Variants in CDH9 observed in about 807,000 individuals in gnomAD.
CDH9 encodes the protein cadherin 9.
CDH9 carries 28 observed loss-of-function variants against 70.9 expected under a neutral mutation model. The observed-to-expected ratio is 0.40, with a 90% CI of 0.29 to 0.54. CDH9 has a LOEUF of 0.54. Among genes scored for constraint, CDH9 ranks in the 20% least tolerant of loss-of-function variants. CDH9 has a pLI of 0.59. For synonymous variants in CDH9, 409 were observed against 343.1 expected, an observed-to-expected ratio of 1.19 and a Z score of -2.12; for missense variants, 874 against 984.4, an observed-to-expected ratio of 0.89 and a Z score of 1.50.
intron 1 of CDH9, among the ~76,000 whole-genome samples, chr5:27,015,399 C>G (rs1016469974): frequency 6.6e-6 from 1 of 151,738 alleles, no homozygotes; most frequent in Admixed American, 6.6e-5. Context: ...ACTTTTATTT[C>G]TTGTGCATAC....
At chr5:27,026,473 G>T (rs1743223369) in intron 1 of CDH9, among the ~76,000 whole-genome samples, 1 of 151,708 alleles carries the variant, frequency 6.6e-6, no homozygotes, top group Non-Finnish European at 1.5e-5. Context: ...AGTTCATAAA[G>T]CTCTACTTAC....
intron 1 of CDH9, among the ~76,000 whole-genome samples, chr5:27,012,186 T>C (rs1475331347): frequency 6.6e-6 from 1 of 151,960 alleles, no homozygotes; most frequent in Non-Finnish European, 1.5e-5. Flanking sequence ...CTTAAAATTA[T>C]CTCTAGATTA....
At chr5:26,965,762 A>G (rs945926556) in intron 2 of CDH9, among the ~76,000 whole-genome samples, 2 of 152,064 alleles carry the variant, frequency 1.3e-5, no homozygotes, top group Admixed American at 1.3e-4. Flanking sequence ...AGTAAGAGCC[A>G]GAGTACTAGA....
At chr5:26,970,520 A>C (rs1742201166) in intron 2 of CDH9, among the ~76,000 whole-genome samples, 1 of 152,078 alleles carries the variant, frequency 6.6e-6, no homozygotes, top group South Asian at 2.1e-4. Flanking sequence ...TGTTTCTCCC[A>C]ATATATTGTT....
chr5:26,999,033 C>T (rs1005471433), intron 1 of CDH9, among the ~76,000 whole-genome samples: 4 of 151,900 alleles, frequency 2.6e-5, no homozygotes, highest in African/African-American at 7.2e-5. Context: ...GATCAAGAGG[C>T]CAGGAGATCG....
chr5:26,950,854 T>C (rs1315698610), intron 2 of CDH9, among the ~76,000 whole-genome samples: 4 of 152,170 alleles, frequency 2.6e-5, no homozygotes. Context: ...TTACTCTTTA[T>C]AGAAAACATG....
intron 1 of CDH9, among the ~76,000 whole-genome samples, chr5:27,024,788 C>A (rs1477700132): frequency 1.3e-5 from 2 of 151,880 alleles, no homozygotes; most frequent in Non-Finnish European, 2.9e-5. Context: ...AATTCTTAAC[C>A]ATTACGTTTA....
intron 7 of CDH9, among the ~76,000 whole-genome samples, chr5:26,899,851 C>T (rs1031367961): frequency 6.8e-6 from 1 of 146,004 alleles, no homozygotes; most frequent in African/African-American, 2.5e-5. Flanking sequence ...ACATGTATCA[C>T]AGAACTTAAA....
intron 3 of CDH9, among the ~76,000 whole-genome samples, chr5:26,915,325 T>C (rs1358984605): frequency 6.6e-6 from 1 of 152,048 alleles, no homozygotes; most frequent in African/African-American, 2.4e-5. Flanking sequence ...ATTATTCTTT[T>C]GATTTCTGGC....
At chr5:26,993,637 T>C (rs1742617237) in intron 1 of CDH9, among the ~76,000 whole-genome samples, 1 of 122,282 alleles carries the variant, frequency 8.2e-6, no homozygotes, top group African/African-American at 3.3e-5. Context: ...TGGGAAGGAA[T>C]GAAAGAAGGC....
chr5:26,918,518 CT>C (rs940518247), intron 2 of CDH9, among the ~76,000 whole-genome samples: 24 of 152,162 alleles, frequency 1.6e-4, no homozygotes, highest in African/African-American at 5.6e-4. Context: ...TTAAAACTAA[CT>C]TTTCACATAA....
intron 2 of CDH9, among the ~76,000 whole-genome samples, chr5:26,919,293 T>C (rs73748537): frequency 0.03 from 4,556 of 152,170 alleles, 133 homozygotes; most frequent in African/African-American, 0.078. Flanking sequence ...AAACTTTGCA[T>C]TGGAACTCAA....
chr5:26,913,525 G>C (rs1741090669), intron 3 of CDH9, among the ~76,000 whole-genome samples: 1 of 152,012 alleles, frequency 6.6e-6, no homozygotes, highest in Non-Finnish European at 1.5e-5. Context: ...TTCTAGCCAG[G>C]TAGTGAATGC....
chr5:26,999,859 T>C (rs1363301395), intron 1 of CDH9, among the ~76,000 whole-genome samples: 1 of 152,164 alleles, frequency 6.6e-6, no homozygotes, highest in Non-Finnish European at 1.5e-5. Flanking sequence ...CTTTGCTTTA[T>C]GATGCAGATA....
At chr5:26,959,550 A>G (rs903956608) in intron 2 of CDH9, among the ~76,000 whole-genome samples, 2 of 152,102 alleles carry the variant, frequency 1.3e-5, no homozygotes, top group Non-Finnish European at 2.9e-5. Flanking sequence ...GAATACTTGT[A>G]TGTAAATGTT....
At chr5:26,993,402 CA>C (rs565768197) in intron 1 of CDH9, among the ~76,000 whole-genome samples, 167 of 151,696 alleles carry the variant, frequency 1.1e-3, no homozygotes, top group African/African-American at 3.8e-3. Context: ...ATGTGAGACA[CA>C]AAAATTACTT....
chr5:26,947,687 T>C (rs568143820), intron 2 of CDH9, among the ~76,000 whole-genome samples: 22 of 152,280 alleles, frequency 1.4e-4, no homozygotes, highest in Non-Finnish European at 2.5e-4. Flanking sequence ...TGAAGCTCTA[T>C]TACGAAGAAA....
chr5:26,973,079 G>A (rs1246430099), intron 2 of CDH9, among the ~76,000 whole-genome samples: 1 of 152,066 alleles, frequency 6.6e-6, no homozygotes, highest in Non-Finnish European at 1.5e-5. Context: ...GACCAGGCTG[G>A]TCTCGAACTC....
At chr5:26,978,050 C>T (rs1742332140) in intron 2 of CDH9, among the ~76,000 whole-genome samples, 1 of 151,968 alleles carries the variant, frequency 6.6e-6, no homozygotes, top group Non-Finnish European at 1.5e-5. Flanking sequence ...ATTTTACTTC[C>T]TGCTGGGACG....
Sources: allele counts gnomAD v4.1 joint callset (sites outside exome capture counted in the v4.1 genomes callset), GRCh38; gene constraint gnomAD v4.1.1; transcripts MANE v1.5; gene names NCBI Gene and HGNC (gene_info 2026-07-23, HGNC 2026-07-21).